LRBA: variants seen among roughly 807,000 people sequenced by gnomAD.
The protein encoded by LRBA is lipopolysaccharide-responsive and beige-like anchor protein.
A neutral mutation model predicts 330.0 loss-of-function variants in LRBA; 176 were observed. The ratio of observed to expected loss-of-function variants is 0.53; its 90% CI spans 0.47 to 0.60. The LOEUF (loss-of-function observed/expected upper bound fraction) is 0.60, where lower values mean the gene tolerates loss of function less well. Ranked by LOEUF, LRBA falls within the 20% of genes least tolerant of loss-of-function variation. The pLI is 0.00. For missense variants in LRBA, 3,259 were observed against 3,444.8 expected (o/e 0.95, Z 1.35); for synonymous variants, 1,230 against 1,193.0 (o/e 1.03, Z -0.64).
chr4:150,351,505 C>T (rs1311357536), intron 47 of LRBA, among the ~76,000 whole-genome samples: 3 of 151,924 alleles, frequency 2.0e-5, no homozygotes, highest in Admixed American at 6.6e-5. Flanking sequence ...CTGGCTAACA[C>T]AGTGAAACCC....
chr4:150,735,744 AT>A (rs1731100444), intron 35 of LRBA, among the ~76,000 whole-genome samples: 2 of 152,330 alleles, frequency 1.3e-5, no homozygotes, highest in East Asian at 3.9e-4. Flanking sequence ...GGCATTTGCT[AT>A]TCCCAAGTGA....
chr4:150,304,931 A>G (rs1580959396), intron 52 of LRBA, among the ~76,000 whole-genome samples: 2 of 152,206 alleles, frequency 1.3e-5, no homozygotes, highest in South Asian at 4.1e-4. Context: ...TCATGAATAC[A>G]TCATATAGTG....
intron 2 of LRBA, among the ~76,000 whole-genome samples, chr4:150,957,544 C>G (rs1227739285): frequency 2.0e-5 from 3 of 148,352 alleles, no homozygotes; most frequent in Non-Finnish European, 4.4e-5. Flanking sequence ...CCCACGGCCC[C>G]TCCCAAATCT....
intron 16 of LRBA, among the ~76,000 whole-genome samples, chr4:150,894,443 C>T (rs1323445442): frequency 2.6e-5 from 4 of 152,132 alleles, no homozygotes; most frequent in African/African-American, 7.2e-5. Context: ...GCACAAGAAA[C>T]GAGTTCTAGA....
chr4:150,621,216 T>C (rs956155377), intron 37 of LRBA, among the ~76,000 whole-genome samples: 1 of 152,194 alleles, frequency 6.6e-6, no homozygotes, highest in African/African-American at 2.4e-5. Context: ...AAACATCTGC[T>C]TTGAAAGATA....
intron 37 of LRBA, among the ~76,000 whole-genome samples, chr4:150,661,078 T>A (rs950465927): frequency 1.3e-4 from 13 of 102,612 alleles, no homozygotes; most frequent in South Asian, 3.3e-4. Context: ...AAAAATAAAT[T>A]AAAAAAAAAA....
intron 17 of LRBA, among the ~76,000 whole-genome samples, chr4:150,892,819 T>A (rs961147221): frequency 6.6e-6 from 1 of 152,160 alleles, no homozygotes; most frequent in Admixed American, 6.5e-5. Flanking sequence ...ATACAAAATA[T>A]TGGAATCATT....
intron 47 of LRBA, among the ~76,000 whole-genome samples, chr4:150,397,047 C>T (rs369866377): frequency 3.1e-4 from 47 of 152,230 alleles, no homozygotes; most frequent in East Asian, 2.5e-3. Flanking sequence ...AAAACACTGA[C>T]GCTTTAAGAC....
intron 2 of LRBA, among the ~76,000 whole-genome samples, chr4:150,978,683 A>G (rs1740490804): frequency 6.6e-6 from 1 of 152,208 alleles, no homozygotes; most frequent in Admixed American, 6.5e-5. Flanking sequence ...AACAAAAAAG[A>G]TGAAATATTA....
chr4:150,888,233 A>G (rs1215928057), intron 17 of LRBA, among the ~76,000 whole-genome samples: 1 of 152,176 alleles, frequency 6.6e-6, no homozygotes, highest in Non-Finnish European at 1.5e-5. Context: ...AAATAAATAT[A>G]TTTTCAGAAG....
chr4:150,750,105 A>G (rs1733335980), intron 35 of LRBA, among the ~76,000 whole-genome samples: 1 of 152,102 alleles, frequency 6.6e-6, no homozygotes, highest in Admixed American at 6.6e-5. Context: ...CCTTCACAAG[A>G]TTTTTCTAAA....
intron 47 of LRBA, among the ~76,000 whole-genome samples, chr4:150,374,501 C>T (rs1419391512): frequency 6.6e-6 from 1 of 152,180 alleles, no homozygotes; most frequent in Non-Finnish European, 1.5e-5. Context: ...GACTCCTGCT[C>T]TCTGTACTAT....
intron 36 of LRBA, chr4:150,721,001 T>C (rs201244550): frequency 3.8e-6 from 2 of 524,798 alleles, no homozygotes; most frequent in East Asian, 5.2e-5. Context: ...AAGAGGGAGA[T>C]GTTAGAGATT....
At chr4:150,876,786 AAAC>A (rs1365072122) in intron 17 of LRBA, among the ~76,000 whole-genome samples, 1 of 152,188 alleles carries the variant, frequency 6.6e-6, no homozygotes, top group African/African-American at 2.4e-5. Context: ...AAACCTTATA[AAAC>A]AACCACACAA....
intron 37 of LRBA, among the ~76,000 whole-genome samples, chr4:150,638,022 T>C (rs1419515266): frequency 3.3e-5 from 5 of 152,154 alleles, no homozygotes; most frequent in African/African-American, 4.8e-5. Context: ...ATTGAATCTA[T>C]AGATCAGTTT....
At chr4:150,626,182 T>C (rs1776844501) in intron 37 of LRBA, among the ~76,000 whole-genome samples, 1 of 152,208 alleles carries the variant, frequency 6.6e-6, no homozygotes, top group Admixed American at 6.5e-5. Context: ...TCTCACTCTG[T>C]AGTATGAACT....
chr4:150,880,649 A>C (rs1011740070), intron 17 of LRBA, among the ~76,000 whole-genome samples: 1 of 152,222 alleles, frequency 6.6e-6, no homozygotes, highest in East Asian at 1.9e-4. Flanking sequence ...GAAAGAATTT[A>C]TCACTAAGTC....
At chr4:150,291,708 C>T (rs56321715) in intron 53 of LRBA, among the ~76,000 whole-genome samples, 26,770 of 137,260 alleles carry the variant, frequency 0.2, 2,734 homozygotes, top group Non-Finnish European at 0.28. Context: ...TTTGACCCAG[C>T]CATCCCATTA....
chr4:150,449,700 C>A (rs1188130460), intron 44 of LRBA, among the ~76,000 whole-genome samples: 3 of 151,960 alleles, frequency 2.0e-5, no homozygotes, highest in African/African-American at 7.3e-5. Flanking sequence ...CAATAACAAA[C>A]CTAACTAAGC....
Sources: allele counts gnomAD v4.1 joint callset (sites outside exome capture counted in the v4.1 genomes callset), GRCh38; gene constraint gnomAD v4.1.1; transcripts MANE v1.5; gene names NCBI Gene and HGNC (gene_info 2026-07-23, HGNC 2026-07-21).